KCTD16: variants seen among roughly 807,000 people sequenced by gnomAD.
KCTD16 encodes BTB/POZ domain-containing protein KCTD16.
In KCTD16, 13 loss-of-function variants were observed where a neutral mutation model predicts 33.2. The observed-to-expected ratio is 0.39, with a 90% CI of 0.25 to 0.62. The LOEUF is 0.62. KCTD16 is among the 20% of genes least tolerant of loss of function. The probability of loss-of-function intolerance (pLI) is 0.50; values close to 1 mark genes in which losing one functional copy is unlikely to be tolerated. For synonymous variants in KCTD16, 197 were observed against 195.3 expected, an observed-to-expected ratio of 1.01 and a Z score of -0.07; for missense variants, 441 against 525.1, an observed-to-expected ratio of 0.84 and a Z score of 1.57.
intron 3 of KCTD16, among the ~76,000 whole-genome samples, chr5:144,256,994 A>G (rs773264125): frequency 2.2e-4 from 33 of 152,172 alleles, no homozygotes; most frequent in Non-Finnish European, 4.4e-4. Flanking sequence ...TGGAAGGTAA[A>G]TAATGTGGCA....
intron 3 of KCTD16, among the ~76,000 whole-genome samples, chr5:144,418,364 G>A (rs1246713251): frequency 6.6e-6 from 1 of 152,112 alleles, no homozygotes; most frequent in African/African-American, 2.4e-5. Flanking sequence ...TTTACAGAGA[G>A]CTGATTGGTC....
rs537392416 is a variant in KCTD16 at position 144,315,217 on chromosome 5, A to G, written c.832+107671A>G. ...TTTGACTTTGGAGCATTAGAGTTGC[A>G]CCTAAGCACCTCTCTCAAACCTTTC... is the stretch of plus-strand genomic sequence containing the variant. On this transcript the variant is annotated intron_variant, in intron 3 of 3. Coordinates refer to ENST00000512467, the MANE Select transcript of KCTD16 (RefSeq NM_020768.4). Among the ~76,000 whole-genome samples, 6 of 152,266 alleles carry G rather than the reference A, an allele frequency of 3.9e-5. No homozygotes were observed. The South Asian group carries it at 1.2e-3, about 32-fold the overall frequency.
At chr5:144,199,826 CCT>C (rs1398612777) in intron 2 of KCTD16, among the ~76,000 whole-genome samples, 4 of 150,896 alleles carry the variant, frequency 2.7e-5, no homozygotes, top group South Asian at 2.1e-4. Context: ...AAGCGATTCC[CCT>C]GATTCAGCCT....
rs562805057 is a variant in KCTD16, at chr5:144,483,815, T to C, written c.*9701T>C. 6.6e-6 allele frequency: 1 copy of C among 152,096 alleles called. No individual in the cohort carries two copies. The highest frequency in any genetic ancestry group is 2.1e-4 in the South Asian group (1 of 4,822). 9.4% of individuals were successfully genotyped at this position (152,096 alleles called of 1,614,324 possible). ...CCTCCTCCCAGAGATCTGTCAGGTG[T>C]GCCCACACAACAGAAGCACTTGTAA... On this transcript the variant is annotated 3_prime_UTR_variant, in exon 4 of 4. Coordinates refer to ENST00000512467, the MANE Select transcript of KCTD16 (RefSeq NM_020768.4).
intron 3 of KCTD16, among the ~76,000 whole-genome samples, chr5:144,407,423 G>T (rs1236556207): frequency 2.0e-5 from 3 of 151,736 alleles, no homozygotes; most frequent in Non-Finnish European, 1.5e-5. Flanking sequence ...GTTCTGGTTG[G>T]TTATATAGGT....
At chr5:144,261,134 A>C (rs1754996235) in intron 3 of KCTD16, among the ~76,000 whole-genome samples, 1 of 148,914 alleles carries the variant, frequency 6.7e-6, no homozygotes, top group Non-Finnish European at 1.5e-5. Flanking sequence ...AAATGAAAGA[A>C]GGAGCTGTAT....
chr5:144,445,077 G>A lies in KCTD16; in HGVS notation c.833-28583G>A, dbSNP rs371024835. Among the ~76,000 whole-genome samples, 7 of 150,734 alleles carry A rather than the reference G, an allele frequency of 4.6e-5. No individual in the cohort carries two copies. In the East Asian group the frequency reaches 1.4e-3, roughly 29 times the overall value. On this transcript the variant is annotated intron_variant, in intron 3 of 3. Transcript: ENST00000512467. ...TCCCTTGCCTCATTTTTTCTTTAGG[G>A]ACTCCTATTATATGTATGTGAAAAT...
At chr5:144,469,147 C>G (rs953962723) in intron 3 of KCTD16, among the ~76,000 whole-genome samples, 5 of 152,146 alleles carry the variant, frequency 3.3e-5, no homozygotes, top group African/African-American at 1.2e-4. Context: ...CTTTCCCGTT[C>G]TGGATTTAAG....
intron 3 of KCTD16, among the ~76,000 whole-genome samples, chr5:144,362,734 T>C (rs1229219532): frequency 1.3e-5 from 2 of 152,186 alleles, no homozygotes; most frequent in Admixed American, 6.5e-5. Context: ...GTTGTCATAA[T>C]TGAAAGAGCA....
At chr5:144,380,371 C>T (rs915207982) in intron 3 of KCTD16, among the ~76,000 whole-genome samples, 3 of 152,064 alleles carry the variant, frequency 2.0e-5, no homozygotes, top group South Asian at 4.1e-4. Flanking sequence ...ACATTCCATG[C>T]TCATGGATAA....
Position 144,480,170 on chromosome 5 carries a change from T to C in KCTD16, c.*6056T>C, listed in dbSNP as rs1001187225. 6.6e-6 allele frequency: 1 copy of C among 151,974 alleles called. No individual in the cohort carries two copies. The highest frequency in any genetic ancestry group is 1.5e-5 in the Non-Finnish European group (1 of 67,938). 9.4% of individuals were successfully genotyped at this position (151,974 alleles called of 1,614,324 possible). A position where few individuals can be genotyped will look rare whatever the true frequency, so the allele number is the denominator to read the frequency against. On this transcript the variant is annotated 3_prime_UTR_variant, in exon 4 of 4. Transcript: ENST00000512467. ...TAGTGTGCATGTGTGTGTGTGCACA[T>C]GGCCATGTGCAATTTTTAGGTTTAT... is the stretch of plus-strand genomic sequence containing the variant.
chr5:144,329,095 A>C (rs1387727196), intron 3 of KCTD16, among the ~76,000 whole-genome samples: 1 of 152,112 alleles, frequency 6.6e-6, no homozygotes, highest in African/African-American at 2.4e-5. Context: ...TGCATCCCAC[A>C]ATGTTGACAC....
At chr5:144,241,491 T>G (rs1754402477) in intron 3 of KCTD16, among the ~76,000 whole-genome samples, 1 of 152,192 alleles carries the variant, frequency 6.6e-6, no homozygotes, top group Non-Finnish European at 1.5e-5. Context: ...TATTATTGCC[T>G]TAGTCACTGA....
intron 3 of KCTD16, among the ~76,000 whole-genome samples, chr5:144,406,124 C>T (rs975711248): frequency 3.3e-5 from 5 of 152,078 alleles, no homozygotes; most frequent in Non-Finnish European, 5.9e-5. Flanking sequence ...GCCTGACTAC[C>T]GAAGGACTTA....
At chr5:144,368,881 C>G (rs1751899322) in intron 3 of KCTD16, among the ~76,000 whole-genome samples, 1 of 152,158 alleles carries the variant, frequency 6.6e-6, no homozygotes, top group African/African-American at 2.4e-5. Context: ...CTCAGATACG[C>G]TAATTCGTTC....
chr5:144,307,146 G>T (rs2126874707), intron 3 of KCTD16, among the ~76,000 whole-genome samples: 1 of 152,252 alleles, frequency 6.6e-6, no homozygotes, highest in African/African-American at 2.4e-5. Context: ...CCATGCCTTT[G>T]CTTTTCCAAG....
At chr5:144,214,611 T>C (rs915259006) in intron 3 of KCTD16, among the ~76,000 whole-genome samples, 1 of 152,192 alleles carries the variant, frequency 6.6e-6, no homozygotes, top group Non-Finnish European at 1.5e-5. Flanking sequence ...TACTTGCATG[T>C]TCATTTTTTG....
intron 3 of KCTD16, among the ~76,000 whole-genome samples, chr5:144,255,750 A>G (rs565812515): frequency 4.5e-4 from 69 of 152,350 alleles, no homozygotes; most frequent in African/African-American, 1.6e-3. Flanking sequence ...TAATTCTGAA[A>G]TTACTTCACT....
At chr5:144,377,353 G>C (rs1420178475) in intron 3 of KCTD16, among the ~76,000 whole-genome samples, 1 of 152,198 alleles carries the variant, frequency 6.6e-6, no homozygotes, top group Admixed American at 6.6e-5. Context: ...TTATATCCTG[G>C]CTCAAGGGCA....
Sources: gnomAD v4.1 joint callset for allele counts (sites outside exome capture counted in the v4.1 genomes callset) on GRCh38, gnomAD v4.1.1 for gene constraint, MANE v1.5 for transcripts, NCBI Gene and HGNC (gene_info 2026-07-23, HGNC 2026-07-21) for gene names.